NDUFS8: variants seen among roughly 807,000 people sequenced by gnomAD.
The protein encoded by NDUFS8 is NADH:ubiquinone oxidoreductase core subunit S8, also known as NADH dehydrogenase [ubiquinone] iron-sulfur protein 8, mitochondrial.
NDUFS8 carries 13 observed loss-of-function variants against 25.6 expected under a neutral mutation model. The ratio of observed to expected loss-of-function variants is 0.51; its 90% CI spans 0.33 to 0.81. The LOEUF (loss-of-function observed/expected upper bound fraction) is 0.81, where lower values mean the gene tolerates loss of function less well. Among genes scored for constraint, NDUFS8 ranks in the 30% least tolerant of loss-of-function variants. The probability of loss-of-function intolerance (pLI) is 0.02; values close to 1 mark genes in which losing one functional copy is unlikely to be tolerated. For synonymous variants in NDUFS8, 119 were observed against 119.4 expected, an observed-to-expected ratio of 1.00 and a Z score of 0.02; for missense variants, 257 against 300.9, an observed-to-expected ratio of 0.85 and a Z score of 1.08.
rs528883967 is a variant in NDUFS8 at position 68,031,990 on chromosome 11, C to T, written c.1-162C>T. Among the ~76,000 whole-genome samples, 79 of 152,266 alleles carry T rather than the reference C, an allele frequency of 5.2e-4. 1 individual carries two copies. In the South Asian group the frequency reaches 5.8e-3, roughly 11 times the overall value. On this transcript the variant is annotated intron_variant, in intron 1 of 6. Coordinates refer to ENST00000313468, the MANE Select transcript of NDUFS8 (RefSeq NM_002496.4). The stretch of plus-strand genomic sequence containing the variant: ...CTGAATCAGATGGAAAGCTGGGAGG[C>T]GCTGGGAACAGGAAAGCCATCTGTG...
rs201017561 is a variant in NDUFS8, at chr11:68,032,204, G to A, written c.53G>A (p.Arg18His). 11 of 1,613,386 alleles carry A rather than the reference G, an allele frequency of 6.8e-6. No homozygotes were observed. Among genetic ancestry groups the A allele is most frequent in the African/African-American group, 4.0e-5 (3 of 75,048 alleles). Residue 18 changes from arginine (R) to histidine (H), a missense_variant, in exon 2 of 7, where the codon CGT (arginine) becomes CAT (histidine). Physicochemically the swap from Arg to His is conservative, Grantham distance 29. Transcript: ENST00000313468. ...CTGCGGGCCCTGGCCCAGGCTGCAC[G>A]TGCAGGTAGGACCAAAGAAGCCTTT... ...MLLRALAQAARAGPPGGRSLH... is the reference protein window; with the variant it reads ...MLLRALAQAAHAGPPGGRSLH...
rs931226394 is a variant in NDUFS8 at position 68,032,649 on chromosome 11, C to T, written c.110-274C>T. On this transcript the variant is annotated intron_variant, in intron 3 of 6. Coordinates refer to ENST00000313468, the MANE Select transcript of NDUFS8 (RefSeq NM_002496.4). The stretch of plus-strand genomic sequence containing the variant: ...CAAAGGCTCAAGCCCCCCACCTACC[C>T]CCCTTGATTCCTCTTTCAAGCCCTG... The T allele has an allele frequency of 5.4e-6, 5 of 934,348 alleles. No homozygotes were observed. In the African/African-American group the frequency reaches 6.6e-5, roughly 12 times the overall value. The allele number at this position is 934,348 out of a possible 1,614,324, so 57.9% of individuals were successfully genotyped here. A position where few individuals can be genotyped will look rare whatever the true frequency, so the allele number is the denominator to read the frequency against.
rs1854806433 is a variant in NDUFS8, at chr11:68,033,195, T to A, written c.284T>A (p.Phe95Tyr). 5 of 1,612,298 alleles carry A rather than the reference T, an allele frequency of 3.1e-6. No homozygotes were observed. Among genetic ancestry groups the A allele is most frequent in the Non-Finnish European group, 4.2e-6 (5 of 1,179,698 alleles). The change falls in exon 5 of 7, where the codon TTC becomes TAC. Residue 95 changes from phenylalanine to tyrosine, a missense_variant. Coordinates refer to ENST00000313468, the MANE Select transcript of NDUFS8 (RefSeq NM_002496.4). The part of the protein sequence containing the change: ...PFEKGPLSPR[F>Y]RGEHALRRYP... ...GAGAAGGGCCCGCTGAGCCCTCGCT[T>A]CCGTGGGGAGCATGCGCTGCGCCGG...
intron 1 of NDUFS8, chr11:68,031,857 G>A: frequency 1.9e-6 from 1 of 518,960 alleles, no homozygotes; most frequent in Non-Finnish European, 3.5e-6. Flanking sequence ...GGAGCAGAAA[G>A]GTGGGAAACA....
chr11:68,032,565 A>AG, intron 3 of NDUFS8: 1 of 1,449,136 alleles, frequency 6.9e-7, no homozygotes. Context: ...TGTGATGGGG[A>AG]GGGGGTTGCC....
At chr11:68,032,487 ACT>A (rs1446777400) in intron 3 of NDUFS8, 151 bp downstream of exon 3, 3 of 1,528,218 alleles carry the variant, frequency 2.0e-6, no homozygotes, top group South Asian at 2.4e-5. Flanking sequence ...ATGGAGACTG[ACT>A]CTGATTCACA....
intron 1 of NDUFS8, chr11:68,031,630 G>A: frequency 4.5e-6 from 1 of 221,502 alleles, no homozygotes; most frequent in Non-Finnish European, 9.2e-6. Flanking sequence ...TTACAGGCGT[G>A]AGCCACCACA....
intron 1 of NDUFS8, chr11:68,031,641 C>T (rs375379165): frequency 1.8e-4 from 42 of 235,132 alleles, no homozygotes; most frequent in African/African-American, 8.6e-4. Flanking sequence ...AGCCACCACA[C>T]CCAGCCCTAG....
Position 68,032,183 on chromosome 11 carries a change from G to T in NDUFS8, c.32G>T (p.Arg11Leu), listed in dbSNP as rs763234032. 2.5e-6 allele frequency: 4 copies of T among 1,612,884 alleles called. No homozygotes were observed. ...TGCCTGACCACGCCTATGCTGCTGCGGGCCCTGGCCCAGGCTGCACGTGCA... is the reference window on the plus strand; with the variant it reads ...TGCCTGACCACGCCTATGCTGCTGCTGGCCCTGGCCCAGGCTGCACGTGCA... Reference protein sequence around the residue: MRCLTTPMLLRALAQAARAGP... With the variant: MRCLTTPMLLLALAQAARAGP... Residue 11 changes from arginine to leucine, a missense_variant, in exon 2 of 7, where the codon CGG (arginine) becomes CTG (leucine). Coordinates refer to ENST00000313468, the MANE Select transcript of NDUFS8 (RefSeq NM_002496.4).
At chr11:68,032,646 AC>A in intron 3 of NDUFS8, 1 of 959,288 alleles carries the variant, frequency 1.0e-6, no homozygotes, top group Non-Finnish European at 1.5e-6. Context: ...CCCCCCACCT[AC>A]CCCCCTTGAT....
intron 1 of NDUFS8, 114 bp downstream of exon 1, chr11:68,030,847 A>T (rs1854747075): frequency 2.3e-6 from 1 of 432,892 alleles, no homozygotes; most frequent in African/African-American, 2.1e-5. Context: ...CCCTCGGCTC[A>T]CTCAGGATCC....
Position 68,036,398 on chromosome 11 carries a change from G to A in NDUFS8, c.501+17G>A, listed in dbSNP as rs1854893013. ...ATCGTCGAGGCACGTGAGGCCCCCG[G>A]GTGGGAGGGGGCCTGAGGCTCCTCA... On this transcript the variant is annotated intron_variant, in intron 6 of 6. Coordinates refer to ENST00000313468, the MANE Select transcript of NDUFS8 (RefSeq NM_002496.4). 6.2e-7 allele frequency: 1 copy of A among 1,613,644 alleles called. No individual in the cohort carries two copies. Among genetic ancestry groups the A allele is most frequent in the Non-Finnish European group, 8.5e-7 (1 of 1,180,000 alleles).
intron 1 of NDUFS8, 157 bp downstream of exon 1, chr11:68,030,890 G>A: frequency 5.2e-6 from 2 of 387,384 alleles, no homozygotes; most frequent in South Asian, 3.2e-5. Context: ...GCAGCGGGGA[G>A]CCGGCTCTCA....
intron 3 of NDUFS8, 40 bp downstream of exon 3, chr11:68,032,376 C>T (rs1295504428): frequency 1.9e-6 from 3 of 1,612,510 alleles, no homozygotes. Flanking sequence ...GTGTTCCTGA[C>T]TGGTCCTGCT....
chr11:68,032,945 C>A lies in NDUFS8; in HGVS notation c.132C>A (p.Pro44=), dbSNP rs775950853. The change falls in exon 4 of 7, where the codon CCC becomes CCA. Residue 44 remains proline, a synonymous_variant. Coordinates refer to ENST00000313468, the MANE Select transcript of NDUFS8 (RefSeq NM_002496.4). ...ATYKYVNMQD[P]EMDMKSVTDR... ...CAGAGTATGTGAACATGCAGGATCC[C>A]GAGATGGACATGAAGTCAGTGACTG... The A allele has an allele frequency of 1.2e-6, 2 of 1,613,772 alleles. No homozygotes were observed. The highest frequency in any genetic ancestry group is 1.7e-6 in the Non-Finnish European group (2 of 1,180,002).
chr11:68,031,950 T>C (rs1854774330), intron 1 of NDUFS8, among the ~76,000 whole-genome samples: 1 of 152,162 alleles, frequency 6.6e-6, no homozygotes, highest in Non-Finnish European at 1.5e-5. Context: ...GAAACTGAAT[T>C]GTAGCTCAGC....
chr11:68,035,289 TA>T (rs921701501), intron 5 of NDUFS8: 2 of 152,520 alleles, frequency 1.3e-5, no homozygotes, highest in African/African-American at 4.9e-5. Context: ...CAACAAAAAA[TA>T]CAAAAAATTA....
intron 1 of NDUFS8, 168 bp downstream of exon 1, chr11:68,030,901 G>T: frequency 2.2e-6 from 1 of 445,700 alleles, no homozygotes; most frequent in South Asian, 1.6e-5. Context: ...CCGGCTCTCA[G>T]GGCGCATGCG....
chr11:68,032,400 A>C, intron 3 of NDUFS8, 64 bp downstream of exon 3: 1 of 1,611,704 alleles, frequency 6.2e-7, no homozygotes, highest in Non-Finnish European at 8.5e-7. Flanking sequence ...GTAGGGGAAG[A>C]GACCTGAGTT....
Sources: gnomAD v4.1 joint callset for allele counts (sites outside exome capture counted in the v4.1 genomes callset) on GRCh38, gnomAD v4.1.1 for gene constraint, MANE v1.5 for transcripts, NCBI Gene and HGNC (gene_info 2026-07-23, HGNC 2026-07-21) for gene names.